The following XIRP2 variants were observed in gnomAD, a reference collection of about 807,000 sequenced individuals.
XIRP2 encodes xin actin-binding repeat-containing protein 2.
Under a neutral mutation model 277.0 loss-of-function variants are expected in XIRP2, and 236 were observed. The observed-to-expected ratio is 0.85, with a 90% CI of 0.77 to 0.95. The LOEUF (loss-of-function observed/expected upper bound fraction) is 0.95. XIRP2 is among the 40% of genes least tolerant of loss of function. XIRP2 has a pLI of 0.00. For synonymous variants in XIRP2, 1,490 were observed against 1,416.5 expected (o/e 1.05, Z -1.17); for missense variants, 4,640 against 4,157.5 (o/e 1.12, Z -3.19).
chr2:167,159,313 C>A (rs773110843), intron 3 of XIRP2, among the ~76,000 whole-genome samples: 3 of 152,142 alleles, frequency 2.0e-5, no homozygotes, highest in Admixed American at 6.5e-5. Context: ...GAGAAATATT[C>A]TATTATGACA....
chr2:167,204,810 A>G (rs961665346), intron 3 of XIRP2, among the ~76,000 whole-genome samples: 2 of 151,900 alleles, frequency 1.3e-5, no homozygotes, highest in East Asian at 3.8e-4. Context: ...TCTCGCATAA[A>G]TTTTTTTTAC....
chr2:167,020,724 T>C lies in XIRP2; in HGVS notation c.409-115185T>C, dbSNP rs188294167. On this transcript the variant is annotated intron_variant, in intron 2 of 10. Transcript: ENST00000409195. ...GCTGGCTGATGATTTATTATATCTC[T>C]TTCTAAATGTCTTAAATGAAAGAAA... Among the ~76,000 whole-genome samples the C allele has an allele frequency of 2.4e-3, 360 of 152,148 alleles. 1 individual carries two copies. Among genetic ancestry groups the C allele is most frequent in the African/African-American group, 8.2e-3 (341 of 41,566 alleles).
intron 2 of XIRP2, among the ~76,000 whole-genome samples, chr2:166,979,369 C>CTTTTTTTTTTTTTTTTTTT: frequency 9.2e-6 from 1 of 108,522 alleles, no homozygotes; most frequent in Non-Finnish European, 1.9e-5. Flanking sequence ...CTTTTCTTTT[C>CTTTTTTTTTTTTTTTTTTT]TTTTTTTTTT....
At chr2:167,087,143 G>T (rs1347708870) in intron 2 of XIRP2, among the ~76,000 whole-genome samples, 1 of 152,114 alleles carries the variant, frequency 6.6e-6, no homozygotes, top group African/African-American at 2.4e-5. Context: ...CTTTCTGTTT[G>T]TTAGTTTTCC....
intron 2 of XIRP2, among the ~76,000 whole-genome samples, chr2:167,067,592 T>C (rs1307370258): frequency 6.6e-6 from 1 of 152,216 alleles, no homozygotes; most frequent in Non-Finnish European, 1.5e-5. Flanking sequence ...GCTATTTTTA[T>C]GCAATTATGC....
chr2:166,970,461 C>T (rs544458304), intron 2 of XIRP2, among the ~76,000 whole-genome samples: 2 of 151,710 alleles, frequency 1.3e-5, no homozygotes, highest in East Asian at 3.9e-4. Flanking sequence ...TGCACTATTC[C>T]CTTTTAAGTG....
chr2:167,250,035 T>G lies in XIRP2; in HGVS notation c.8643T>G (p.Ala2881=), dbSNP rs569305826. 6 of 1,613,544 alleles carry G rather than the reference T, an allele frequency of 3.7e-6. No individual in the cohort carries two copies. In the African/African-American group the frequency reaches 8.0e-5, roughly 22 times the overall value. Residue 2881 remains alanine, a synonymous_variant, in exon 9 of 11, where the codon GCT becomes GCG. Coordinates refer to ENST00000409195, the MANE Select transcript of XIRP2 (RefSeq NM_152381.6). Reference sequence around the variant, plus strand: ...AAATACAGACCGCTGAAAGTAAAGCTGAACATAAAAAATTGCCCCAGCCAT... The same window carrying G: ...AAATACAGACCGCTGAAAGTAAAGCGGAACATAAAAAATTGCCCCAGCCAT... ...QTQIQTAESK[A]EHKKLPQPYN... is the part of the protein sequence containing the mutation.
intron 2 of XIRP2, among the ~76,000 whole-genome samples, chr2:167,000,474 T>C (rs1344882710): frequency 6.6e-6 from 1 of 151,860 alleles, no homozygotes; most frequent in East Asian, 1.9e-4. Flanking sequence ...TAGGGTTAAT[T>C]TGGTCAAGTT....
intron 2 of XIRP2, among the ~76,000 whole-genome samples, chr2:167,068,337 A>T (rs749792722): frequency 1.3e-5 from 2 of 152,180 alleles, no homozygotes; most frequent in Non-Finnish European, 2.9e-5. Flanking sequence ...AAATGAAGTG[A>T]TTTTAAAACC....
chr2:167,067,746 G>T (rs188350468), intron 2 of XIRP2, among the ~76,000 whole-genome samples: 1 of 152,294 alleles, frequency 6.6e-6, no homozygotes, highest in East Asian at 1.9e-4. Flanking sequence ...TGTGAAAAAT[G>T]CACTATCTGT....
At chr2:166,948,244 T>C (rs770537302) in intron 2 of XIRP2, among the ~76,000 whole-genome samples, 2 of 152,122 alleles carry the variant, frequency 1.3e-5, no homozygotes, top group Non-Finnish European at 2.9e-5. Context: ...TTAATGTGGG[T>C]TCATCTATTA....
chr2:167,207,915 G>GT lies in XIRP2; in HGVS notation c.563-2814dup, dbSNP rs892647941. On this transcript the variant is annotated intron_variant, in intron 3 of 10. Coordinates refer to ENST00000409195, the MANE Select transcript of XIRP2 (RefSeq NM_152381.6). ...ATTTTCTTTCAAAGTGCCTCTCTAT[G>GT]TTTTTTCTGCTTTGTGGGATGTATT... 4.6e-5 allele frequency among the ~76,000 whole-genome samples: 7 copies of GT among 152,114 alleles called. No individual in the cohort carries two copies. The South Asian group carries it at 8.3e-4, about 18-fold the overall frequency.
rs186179307 is a variant in XIRP2, at chr2:167,077,742, C to T, written c.409-58167C>T. 2.0e-5 allele frequency among the ~76,000 whole-genome samples: 3 copies of T among 152,266 alleles called. No individual in the cohort carries two copies. In the East Asian group the frequency reaches 5.8e-4, roughly 29 times the overall value. ...ATGTCTCAGGTGTCAGAGAAAAGAC[C>T]TATGGGCCATGTTAAGGGTTTGGCT... On this transcript the variant is annotated intron_variant, in intron 2 of 10. Coordinates refer to ENST00000409195, the MANE Select transcript of XIRP2 (RefSeq NM_152381.6).
At chr2:167,234,670 T>C (rs1694850134) in intron 5 of XIRP2, among the ~76,000 whole-genome samples, 1 of 151,850 alleles carries the variant, frequency 6.6e-6, no homozygotes, top group Non-Finnish European at 1.5e-5. Flanking sequence ...CTCATAACTT[T>C]AGGCAGAGTT....
intron 5 of XIRP2, among the ~76,000 whole-genome samples, chr2:167,221,684 T>C (rs940072180): frequency 4.6e-5 from 7 of 152,166 alleles, no homozygotes; most frequent in African/African-American, 1.7e-4. Flanking sequence ...AGATGTTTGC[T>C]GGTAAACACA....
At chr2:167,026,602 C>A (rs1028030575) in intron 2 of XIRP2, among the ~76,000 whole-genome samples, 1 of 152,142 alleles carries the variant, frequency 6.6e-6, no homozygotes, top group Admixed American at 6.6e-5. Context: ...CCAGTTGTTC[C>A]TTTCCATGTT....
intron 2 of XIRP2, among the ~76,000 whole-genome samples, chr2:166,950,775 T>C (rs934413344): frequency 2.6e-5 from 4 of 152,046 alleles, no homozygotes; most frequent in African/African-American, 7.2e-5. Context: ...TTTCTTCTTG[T>C]TGTTATGGTG....
chr2:167,013,961 G>A (rs562733937), intron 2 of XIRP2, among the ~76,000 whole-genome samples: 1 of 151,346 alleles, frequency 6.6e-6, no homozygotes. Flanking sequence ...AGGACTTAAA[G>A]AGATTTGTGG....
chr2:167,032,931 A>T (rs1438562002), intron 2 of XIRP2, among the ~76,000 whole-genome samples: 1 of 152,168 alleles, frequency 6.6e-6, no homozygotes, highest in Non-Finnish European at 1.5e-5. Context: ...TGACCCAGCA[A>T]TCCCAATACT....
Sources: gnomAD v4.1 joint callset for allele counts (sites outside exome capture counted in the v4.1 genomes callset) on GRCh38, gnomAD v4.1.1 for gene constraint, MANE v1.5 for transcripts, NCBI Gene and HGNC (gene_info 2026-07-23, HGNC 2026-07-21) for gene names.